The following SRPK2 variants were observed in gnomAD, a reference collection of about 807,000 sequenced individuals.
SRPK2 encodes SRSF protein kinase 2.
In SRPK2, 21 loss-of-function variants were observed where a neutral mutation model predicts 90.8. That is an observed-to-expected ratio of 0.23 (90% CI 0.16 to 0.33). The LOEUF (loss-of-function observed/expected upper bound fraction) is 0.33. Among genes scored for constraint, SRPK2 ranks in the 10% least tolerant of loss-of-function variants. The pLI is 1.00. For synonymous variants in SRPK2, 288 were observed against 311.1 expected (o/e 0.93, Z 0.78); for missense variants, 620 against 869.0 (o/e 0.71, Z 3.60).
Position 105,226,131 on chromosome 7 carries a change from T to A in SRPK2, c.72-22346A>T, listed in dbSNP as rs764781200. ...GACTTCCAAAATATATTAATAATCATGTCAAAATATTAGATCTATTTTTTC... is the reference window on the plus strand; with the variant it reads ...GACTTCCAAAATATATTAATAATCAAGTCAAAATATTAGATCTATTTTTTC... On this transcript the variant is annotated intron_variant, in intron 2 of 15. Coordinates refer to ENST00000393651, the MANE Select transcript of SRPK2 (RefSeq NM_182692.3). Among the ~76,000 whole-genome samples, 195 of 152,330 alleles carry A rather than the reference T, an allele frequency of 1.3e-3. 2 individuals carry two copies. The highest frequency in any genetic ancestry group is 3.5e-3 in the Admixed American group (53 of 15,298).
intron 11 of SRPK2, among the ~76,000 whole-genome samples, chr7:105,141,666 CA>C (rs1289101850): frequency 6.6e-6 from 1 of 152,128 alleles, no homozygotes; most frequent in African/African-American, 2.4e-5. Flanking sequence ...AATATAATGA[CA>C]TTAGATGGAA....
At chr7:105,172,984 G>A (rs1429266413) in intron 3 of SRPK2, among the ~76,000 whole-genome samples, 2 of 152,190 alleles carry the variant, frequency 1.3e-5, no homozygotes, top group East Asian at 3.8e-4. Flanking sequence ...CACAGTGTAA[G>A]CATAGCAGCT....
intron 2 of SRPK2, among the ~76,000 whole-genome samples, chr7:105,241,220 A>G (rs1024772634): frequency 2.0e-5 from 3 of 152,236 alleles, no homozygotes; most frequent in Non-Finnish European, 4.4e-5. Context: ...TTCCTTCTTT[A>G]AAGCATCCGC....
chr7:105,158,266 T>C (rs1270035581), intron 7 of SRPK2, among the ~76,000 whole-genome samples: 4 of 151,974 alleles, frequency 2.6e-5, no homozygotes, highest in Non-Finnish European at 4.4e-5. Context: ...TTTTTTTTTT[T>C]TTCCCTGAGA....
intron 7 of SRPK2, among the ~76,000 whole-genome samples, chr7:105,148,920 C>T (rs1357075038): frequency 2.0e-5 from 3 of 152,178 alleles, no homozygotes; most frequent in Non-Finnish European, 4.4e-5. Flanking sequence ...AAAGTCATCG[C>T]CATTCTCTAG....
At chr7:105,330,835 A>G (rs1814224635) in intron 2 of SRPK2, among the ~76,000 whole-genome samples, 1 of 152,124 alleles carries the variant, frequency 6.6e-6, no homozygotes, top group African/African-American at 2.4e-5. Context: ...AAAAAGAAAA[A>G]GAAAATAAAT....
intron 2 of SRPK2, chr7:105,298,671 C>A: frequency 1.0e-6 from 1 of 952,536 alleles, no homozygotes; most frequent in Non-Finnish European, 1.3e-6. Flanking sequence ...GATAGCATGG[C>A]TCAGATTATA....
At chr7:105,295,690 G>T (rs1038622031) in intron 2 of SRPK2, among the ~76,000 whole-genome samples, 1 of 152,070 alleles carries the variant, frequency 6.6e-6, no homozygotes, top group East Asian at 1.9e-4. Context: ...AAAAACAGTG[G>T]TCACGGTTAC....
chr7:105,148,150 G>A (rs772245555), intron 7 of SRPK2, among the ~76,000 whole-genome samples: 2 of 152,174 alleles, frequency 1.3e-5, no homozygotes, highest in South Asian at 4.1e-4. Context: ...CCAATTCTTC[G>A]CCCTGAACAA....
At chr7:105,267,182 A>C (rs1292038174) in intron 2 of SRPK2, among the ~76,000 whole-genome samples, 3 of 152,194 alleles carry the variant, frequency 2.0e-5, no homozygotes, top group Non-Finnish European at 2.9e-5. Flanking sequence ...AATCACTAAA[A>C]TATCTTAGAA....
At chr7:105,251,821 T>C (rs915761744) in intron 2 of SRPK2, among the ~76,000 whole-genome samples, 3 of 152,212 alleles carry the variant, frequency 2.0e-5, no homozygotes, top group African/African-American at 7.2e-5. Flanking sequence ...TTGGGGGTTT[T>C]GTATTTTTTG....
chr7:105,170,847 GAAAGAAAGAAAGAAAGA>G (rs1790808629), intron 3 of SRPK2, among the ~76,000 whole-genome samples: 3 of 14,036 alleles, frequency 2.1e-4, no homozygotes, highest in Non-Finnish European at 1.7e-4. Flanking sequence ...AAGAAAGAAA[GAAAGAAAGAAAGAAAGA>G]AAGAAAGAAA....
chr7:105,367,777 G>A (rs776134001), intron 2 of SRPK2, among the ~76,000 whole-genome samples: 2 of 152,080 alleles, frequency 1.3e-5, no homozygotes, highest in African/African-American at 4.8e-5. Flanking sequence ...TTTCATGTTG[G>A]TAAATGATAA....
intron 4 of SRPK2, 54 bp from the exon 5 acceptor site, chr7:105,168,149 A>G: frequency 7.1e-7 from 1 of 1,399,146 alleles, no homozygotes; most frequent in Non-Finnish European, 9.8e-7. Flanking sequence ...AGTAGAAAGA[A>G]TCACTGGTAT....
intron 1 of SRPK2, among the ~76,000 whole-genome samples, chr7:105,396,036 A>C (rs1488599536): frequency 4.0e-5 from 6 of 151,874 alleles, no homozygotes; most frequent in Admixed American, 3.3e-4. Flanking sequence ...CTGCCTCAGC[A>C]TTCCAAGTAG....
chr7:105,241,920 T>G (rs1585315044), intron 2 of SRPK2, among the ~76,000 whole-genome samples: 1 of 152,218 alleles, frequency 6.6e-6, no homozygotes, highest in East Asian at 1.9e-4. Flanking sequence ...GGAGGAAATG[T>G]TCCCACCAAG....
chr7:105,348,869 G>A (rs573493408), intron 2 of SRPK2, among the ~76,000 whole-genome samples: 9 of 152,116 alleles, frequency 5.9e-5, no homozygotes, highest in Admixed American at 3.3e-4. Context: ...CAGAGCAGCC[G>A]GGCGCAGTGG....
intron 2 of SRPK2, among the ~76,000 whole-genome samples, chr7:105,235,303 T>C (rs909652538): frequency 4.6e-5 from 7 of 152,266 alleles, no homozygotes; most frequent in African/African-American, 1.7e-4. Context: ...TATAGATTAT[T>C]TGGAAAGACT....
intron 2 of SRPK2, among the ~76,000 whole-genome samples, chr7:105,219,325 C>T (rs1797832129): frequency 6.6e-6 from 1 of 152,142 alleles, no homozygotes; most frequent in African/African-American, 2.4e-5. Context: ...CCACTCTGCT[C>T]CCAGAACATA....
Sources: allele counts gnomAD v4.1 joint callset (sites outside exome capture counted in the v4.1 genomes callset), GRCh38; gene constraint gnomAD v4.1.1; transcripts MANE v1.5; gene names NCBI Gene and HGNC (gene_info 2026-07-23, HGNC 2026-07-21).